Variants in EIF2S2 observed in about 807,000 individuals in gnomAD.
The protein encoded by EIF2S2 is eukaryotic translation initiation factor 2 subunit beta, also known as eukaryotic translation initiation factor 2 subunit 2.
Under a neutral mutation model 44.0 loss-of-function variants are expected in EIF2S2, and 4 were observed. The observed-to-expected ratio is 0.09, with a 90% CI of 0.04 to 0.21. The LOEUF (loss-of-function observed/expected upper bound fraction) is 0.21. Ranked by LOEUF, EIF2S2 falls within the 10% of genes least tolerant of loss-of-function variation. The pLI is 1.00. For synonymous variants in EIF2S2, 108 were observed against 128.3 expected, an observed-to-expected ratio of 0.84 and a Z score of 1.07; for missense variants, 154 against 392.0, an observed-to-expected ratio of 0.39 and a Z score of 5.13.
intron 3 of EIF2S2, among the ~76,000 whole-genome samples, chr20:34,102,933 A>G (rs1310614438): frequency 6.6e-6 from 1 of 152,170 alleles, no homozygotes; most frequent in Admixed American, 6.5e-5. Context: ...TGTATTAGAA[A>G]TCAATTCAGT....
At chr20:34,090,985 A>G (rs1292695812) in intron 7 of EIF2S2, among the ~76,000 whole-genome samples, 2 of 152,022 alleles carry the variant, frequency 1.3e-5, no homozygotes, top group Non-Finnish European at 2.9e-5. Flanking sequence ...TACTGGACTC[A>G]AGTGATCCTC....
intron 3 of EIF2S2, among the ~76,000 whole-genome samples, chr20:34,102,412 A>G (rs527672792): frequency 2.0e-5 from 3 of 152,322 alleles, no homozygotes; most frequent in African/African-American, 7.2e-5. Context: ...GAACCAAAAT[A>G]TCTCTGCAAA....
chr20:34,112,088 A>C lies in EIF2S2; in HGVS notation c.15+8T>G. 6.4e-7 allele frequency: 1 copy of C among 1,560,880 alleles called. No individual in the cohort carries two copies. The highest frequency in any genetic ancestry group is 8.7e-7 in the Non-Finnish European group (1 of 1,150,938). The stretch of plus-strand genomic sequence containing the variant: ...TCCTTAGCCCTTACGCCGGGCTCAG[A>C]TCCTCACCTCGTCCCCAGACATGGC... On this transcript the variant is annotated splice_region_variant and intron_variant, in intron 1 of 8. Transcript: ENST00000374980.
At chr20:34,095,102 C>G (rs927173733) in intron 6 of EIF2S2, among the ~76,000 whole-genome samples, 2 of 152,138 alleles carry the variant, frequency 1.3e-5, no homozygotes, top group Non-Finnish European at 2.9e-5. Flanking sequence ...TAATAAAAAC[C>G]TGGGAGCAGC....
chr20:34,109,804 A>T (rs898618864), intron 1 of EIF2S2, among the ~76,000 whole-genome samples: 5 of 152,066 alleles, frequency 3.3e-5, no homozygotes, highest in African/African-American at 1.2e-4. Flanking sequence ...ATCAAGAAAA[A>T]AAAAAAACAA....
chr20:34,105,643 A>G (rs2034341154), intron 1 of EIF2S2, 98 bp from the exon 2 acceptor site: 2 of 1,183,778 alleles, frequency 1.7e-6, no homozygotes, highest in South Asian at 3.3e-5. Flanking sequence ...TACTCTTAAA[A>G]GAGTATGTGA....
chr20:34,106,112 G>A (rs991096370), intron 1 of EIF2S2, among the ~76,000 whole-genome samples: 1 of 151,966 alleles, frequency 6.6e-6, no homozygotes, highest in Non-Finnish European at 1.5e-5. Flanking sequence ...TAGAGACGGG[G>A]TCTCCCTCTG....
rs1164504611 is a variant in EIF2S2 at position 34,105,342 on chromosome 20, G to A, written c.193+26C>T. On this transcript the variant is annotated intron_variant, in intron 2 of 8. Coordinates refer to ENST00000374980, the MANE Select transcript of EIF2S2 (RefSeq NM_003908.5). Reference sequence around the variant, plus strand: ...TAGAACCAGGGCTTCTATGACAACAGTAACTCTCTCACATCAACCACGCAC... The same window carrying A: ...TAGAACCAGGGCTTCTATGACAACAATAACTCTCTCACATCAACCACGCAC... 8 of 1,603,776 alleles carry A rather than the reference G, an allele frequency of 5.0e-6. No homozygotes were observed. In the South Asian group the frequency reaches 6.8e-5, roughly 14 times the overall value.
chr20:34,106,876 C>G (rs1568719365), intron 1 of EIF2S2, among the ~76,000 whole-genome samples: 1 of 152,158 alleles, frequency 6.6e-6, no homozygotes, highest in Non-Finnish European at 1.5e-5. Flanking sequence ...AGGGCAGACA[C>G]CTGATAGAGT....
chr20:34,103,190 A>C (rs2034312851), intron 3 of EIF2S2, among the ~76,000 whole-genome samples: 2 of 152,270 alleles, frequency 1.3e-5, no homozygotes, highest in Admixed American at 1.3e-4. Context: ...TCCACAGCCA[A>C]AAATCTCAGT....
At chr20:34,090,049 T>C in intron 8 of EIF2S2, 144 bp from the exon 9 acceptor site, 1 of 832,074 alleles carries the variant, frequency 1.2e-6, no homozygotes, top group South Asian at 1.6e-5. Context: ...GCGCAGCTAT[T>C]CGAGGGGTAA....
chr20:34,108,766 A>G (rs1033083880), intron 1 of EIF2S2, among the ~76,000 whole-genome samples: 2 of 152,184 alleles, frequency 1.3e-5, no homozygotes, highest in African/African-American at 4.8e-5. Context: ...GCTTCCTCTC[A>G]TAGATCATAC....
intron 7 of EIF2S2, among the ~76,000 whole-genome samples, chr20:34,091,891 T>C (rs1271735554): frequency 6.6e-6 from 1 of 151,626 alleles, no homozygotes; most frequent in Admixed American, 6.6e-5. Context: ...ACTTTAAATT[T>C]GTAAGCTGTT....
At chr20:34,092,084 C>G (rs1362365257) in intron 7 of EIF2S2, among the ~76,000 whole-genome samples, 1 of 152,176 alleles carries the variant, frequency 6.6e-6, no homozygotes, top group Non-Finnish European at 1.5e-5. Flanking sequence ...CAACAAAATT[C>G]AGTCAAGCAG....
At chr20:34,109,152 A>C (rs989143041) in intron 1 of EIF2S2, among the ~76,000 whole-genome samples, 1 of 152,124 alleles carries the variant, frequency 6.6e-6, no homozygotes, top group Non-Finnish European at 1.5e-5. Context: ...CACACAACAC[A>C]CATCCCATTT....
At position 34,102,178 on chromosome 20, in the gene EIF2S2, T is replaced by A. The variant is rs563071092; in HGVS notation, c.297+1284A>T. On this transcript the variant is annotated intron_variant, in intron 3 of 8. Transcript: ENST00000374980. Reference sequence around the variant, plus strand: ...TTAGAACTAATCTTCCAATAAAAGCTACTGGAGGAATCAACCAACAAAGCC... The same window carrying A: ...TTAGAACTAATCTTCCAATAAAAGCAACTGGAGGAATCAACCAACAAAGCC... 4.6e-5 allele frequency among the ~76,000 whole-genome samples: 7 copies of A among 152,328 alleles called. No homozygotes were observed. In the South Asian group the frequency reaches 1.4e-3, roughly 32 times the overall value.
chr20:34,099,905 G>A (rs2034275987), intron 3 of EIF2S2, among the ~76,000 whole-genome samples: 1 of 152,204 alleles, frequency 6.6e-6, no homozygotes, highest in Non-Finnish European at 1.5e-5. Flanking sequence ...TGCCACACCA[G>A]GGACATCACC....
chr20:34,096,344 A>G (rs1420861246), intron 6 of EIF2S2, among the ~76,000 whole-genome samples: 1 of 152,192 alleles, frequency 6.6e-6, no homozygotes, highest in African/African-American at 2.4e-5. Flanking sequence ...GTGCACCTGT[A>G]GTCTCAGCTA....
rs1159938177 is a variant in EIF2S2, at chr20:34,097,520, C to G, written c.434-4G>C. The G allele has an allele frequency of 6.2e-7, 1 of 1,611,148 alleles. No homozygotes were observed. The highest frequency in any genetic ancestry group is 1.1e-5 in the South Asian group (1 of 91,070). ...TTGTTGTCTTCATCTTCTAGAGCTA[C>G]AGATAAAAAAGATTTTAAGAATGAG... On this transcript the variant is annotated splice_region_variant and splice_polypyrimidine_tract_variant and intron_variant, in intron 4 of 8. Coordinates refer to ENST00000374980, the MANE Select transcript of EIF2S2 (RefSeq NM_003908.5).
Sources: gnomAD v4.1 joint callset for allele counts (sites outside exome capture counted in the v4.1 genomes callset) on GRCh38, gnomAD v4.1.1 for gene constraint, MANE v1.5 for transcripts, NCBI Gene and HGNC (gene_info 2026-07-23, HGNC 2026-07-21) for gene names.